RUNX3: variants seen among roughly 807,000 people sequenced by gnomAD.
RUNX3 encodes RUNX family transcription factor 3.
In RUNX3, 10 loss-of-function variants were observed where a neutral mutation model predicts 27.7. The ratio of observed to expected loss-of-function variants is 0.36; its 90% CI spans 0.22 to 0.61. The LOEUF (loss-of-function observed/expected upper bound fraction) is 0.61. Among genes scored for constraint, RUNX3 ranks in the 20% least tolerant of loss-of-function variants. RUNX3 has a pLI of 0.72. For missense variants in RUNX3, 469 were observed against 629.5 expected (o/e 0.75, Z 2.73); for synonymous variants, 270 against 269.2 (o/e 1.00, Z -0.03).
chr1:24,942,113 C>G (rs999653845), intron 2 of RUNX3, among the ~76,000 whole-genome samples: 2 of 152,180 alleles, frequency 1.3e-5, no homozygotes, highest in Admixed American at 1.3e-4. Context: ...CCCCTGCCCC[C>G]ATCCGTGTCC....
At chr1:24,918,050 C>A (rs1010197443) in intron 3 of RUNX3, among the ~76,000 whole-genome samples, 1 of 152,158 alleles carries the variant, frequency 6.6e-6, no homozygotes, top group East Asian at 1.9e-4. Context: ...GGATGCGTGC[C>A]GGGGCTCAGG....
At chr1:24,958,182 A>G (rs1372929947) in intron 2 of RUNX3, among the ~76,000 whole-genome samples, 3 of 152,198 alleles carry the variant, frequency 2.0e-5, no homozygotes, top group Non-Finnish European at 2.9e-5. Flanking sequence ...GGGTAGGGCC[A>G]CAGTTGCTCC....
upstream of RUNX3, among the ~76,000 whole-genome samples, chr1:24,933,563 C>T (rs542150322): frequency 7.9e-4 from 120 of 152,284 alleles, no homozygotes; most frequent in African/African-American, 2.2e-3. Context: ...TCCCTCAATT[C>T]GCCCACAGGC....
intron 2 of RUNX3, among the ~76,000 whole-genome samples, chr1:24,922,424 C>A (rs868061318): frequency 6.6e-6 from 1 of 152,142 alleles, no homozygotes; most frequent in Non-Finnish European, 1.5e-5. Flanking sequence ...TTTAGCATCA[C>A]TCTCAAGTAC....
intron 2 of RUNX3, among the ~76,000 whole-genome samples, chr1:24,921,563 A>C (rs1641001528): frequency 6.6e-6 from 1 of 152,176 alleles, no homozygotes; most frequent in Admixed American, 6.5e-5. Flanking sequence ...TGATTTCTGG[A>C]AGCAGAAGTG....
At position 24,906,909 on chromosome 1, in the gene RUNX3, G is replaced by A. The variant is rs985063893; in HGVS notation, c.703+350C>T. ...TGGGGAAACTGTACATGGCAGGGGC[G>A]AGTCTGTCACGGCTCCTTGGACAAG... is the stretch of plus-strand genomic sequence containing the variant. On this transcript the variant is annotated intron_variant, in intron 4 of 4. Transcript: ENST00000308873. Among the ~76,000 whole-genome samples, 10 of 152,232 alleles carry A rather than the reference G, an allele frequency of 6.6e-5. 1 individual carries two copies. Among genetic ancestry groups the A allele is most frequent in the Non-Finnish European group, 2.9e-5 (2 of 68,044 alleles).
intron 3 of RUNX3, among the ~76,000 whole-genome samples, chr1:24,909,294 C>T (rs1418735074): frequency 1.3e-5 from 2 of 152,196 alleles, no homozygotes; most frequent in African/African-American, 2.4e-5. Context: ...CTCTGTCCAC[C>T]GCTCTAAGCT....
intron 2 of RUNX3, among the ~76,000 whole-genome samples, chr1:24,956,296 G>A (rs1278772264): frequency 6.6e-6 from 1 of 152,208 alleles, no homozygotes; most frequent in Non-Finnish European, 1.5e-5. Context: ...AACAAAAATT[G>A]TTTTCCCTTA....
intron 4 of RUNX3, 138 bp downstream of exon 4, chr1:24,907,121 G>T (rs1640678932): frequency 7.1e-6 from 6 of 848,152 alleles, no homozygotes; most frequent in Non-Finnish European, 1.1e-5. Context: ...GTGCCAATGA[G>T]CACCAGCAGC....
intron 4 of RUNX3, among the ~76,000 whole-genome samples, chr1:24,903,095 G>A (rs2124239678): frequency 6.6e-6 from 1 of 152,340 alleles, no homozygotes; most frequent in African/African-American, 2.4e-5. Context: ...GGCCGTGGAT[G>A]TGTAAAGGGC....
At chr1:24,942,143 G>A (rs1445919706) in intron 2 of RUNX3, among the ~76,000 whole-genome samples, 1 of 152,136 alleles carries the variant, frequency 6.6e-6, no homozygotes, top group Non-Finnish European at 1.5e-5. Flanking sequence ...AAGGTTCCCA[G>A]TCCTGCCCTT....
In RUNX3 at chr1:24,929,847, T is replaced by G; in HGVS notation, c.22A>C (p.Ser8Arg). The change falls in exon 1 of 5, where the codon AGC becomes CGC. Residue 8 changes from serine (S) to arginine (R), a missense_variant. Physicochemically the swap from Ser to Arg is moderately radical, Grantham distance 110 (BLOSUM62 -1). Around this residue, in one of 3 missense-constraint regions of RUNX3, gnomAD observed 115 missense variants for 118.0 expected, o/e 0.97. Coordinates refer to ENST00000308873, the MANE Select transcript of RUNX3 (RefSeq NM_004350.3). ...GGAGGTGTGAAGCGGCGGCTGGTGC[T>G]TGGGTCTACGGGAATACGCATAACA... is the stretch of plus-strand genomic sequence containing the variant. The part of the protein sequence containing the change: MRIPVDP[S>R]TSRRFTPPSP... 1 of 1,391,812 alleles carries G rather than the reference T, an allele frequency of 7.2e-7. No individual in the cohort carries two copies. The highest frequency in any genetic ancestry group is 3.0e-5 in the East Asian group (1 of 33,834). 86.2% of individuals were successfully genotyped at this position (1,391,812 alleles called of 1,614,324 possible).
chr1:24,958,132 C>T (rs1054647252), intron 2 of RUNX3, among the ~76,000 whole-genome samples: 1 of 152,228 alleles, frequency 6.6e-6, no homozygotes, highest in African/African-American at 2.4e-5. Context: ...CTGTGCCAGG[C>T]CAGTGCTCCC....
chr1:24,917,893 G>T (rs1640918680), intron 3 of RUNX3, among the ~76,000 whole-genome samples: 1 of 152,130 alleles, frequency 6.6e-6, no homozygotes, highest in Non-Finnish European at 1.5e-5. Context: ...TGACAAAACT[G>T]AGGCCACAAA....
chr1:24,949,563 C>T (rs1485221904), intron 2 of RUNX3, among the ~76,000 whole-genome samples: 1 of 152,256 alleles, frequency 6.6e-6, no homozygotes. Context: ...GATTTCTAGT[C>T]CAAGTTGTCA....
chr1:24,934,066 G>A (rs1290646337), upstream of RUNX3, among the ~76,000 whole-genome samples: 2 of 152,218 alleles, frequency 1.3e-5, no homozygotes, highest in Admixed American at 1.3e-4. Context: ...GGGGGATTAA[G>A]GATTCCCTCT....
At chr1:24,918,409 GTCA>G (rs1265267304) in intron 3 of RUNX3, among the ~76,000 whole-genome samples, 2 of 152,204 alleles carry the variant, frequency 1.3e-5, no homozygotes, top group African/African-American at 4.8e-5. Context: ...TGGCTCTGCT[GTCA>G]TCAAGATCCC....
intron 2 of RUNX3, among the ~76,000 whole-genome samples, chr1:24,919,639 C>G (rs1187840336): frequency 1.3e-5 from 2 of 151,850 alleles, no homozygotes; most frequent in East Asian, 1.9e-4. Context: ...TTCAGAGACC[C>G]ACACGATTTT....
chr1:24,913,526 TG>T, intron 3 of RUNX3, among the ~76,000 whole-genome samples: 1 of 152,394 alleles, frequency 6.6e-6, no homozygotes, highest in Middle Eastern at 3.4e-3. Context: ...GAAGGTGTTC[TG>T]GGTTCCCATT....
Sources: gnomAD v4.1 joint callset for allele counts (sites outside exome capture counted in the v4.1 genomes callset) on GRCh38, gnomAD v4.1.1 for gene constraint, gnomAD v4.1.1 regional missense constraint, MANE v1.5 for transcripts, NCBI Gene and HGNC (gene_info 2026-07-23, HGNC 2026-07-21) for gene names.